IQUB: variants seen among roughly 807,000 people sequenced by gnomAD.
IQUB encodes IQ motif and ubiquitin-like domain-containing protein.
A neutral mutation model predicts 86.4 loss-of-function variants in IQUB; 86 were observed. The ratio of observed to expected loss-of-function variants is 1.00; its 90% CI spans 0.84 to 1.19. IQUB has a LOEUF of 1.19. Ranked by LOEUF, IQUB falls within the 50% of genes most tolerant of loss-of-function variation. The pLI is 0.00. For synonymous variants in IQUB, 289 were observed against 304.5 expected, an observed-to-expected ratio of 0.95 and a Z score of 0.53; for missense variants, 946 against 916.9, an observed-to-expected ratio of 1.03 and a Z score of -0.41.
chr7:123,522,132 C>T (rs1021778545), intron 1 of IQUB, among the ~76,000 whole-genome samples: 2 of 152,002 alleles, frequency 1.3e-5, no homozygotes, highest in African/African-American at 2.4e-5. Flanking sequence ...CTGTTTGCAC[C>T]GAGAAACTGC....
chr7:123,457,309 G>A, intron 12 of IQUB, 72 bp downstream of exon 12: 1 of 1,555,444 alleles, frequency 6.4e-7, no homozygotes, highest in Non-Finnish European at 8.7e-7. Context: ...GAATATATTA[G>A]AAGGCAGTCC....
intron 7 of IQUB, among the ~76,000 whole-genome samples, chr7:123,484,802 C>T (rs1006416721): frequency 6.6e-5 from 10 of 151,984 alleles, no homozygotes; most frequent in East Asian, 1.9e-4. Flanking sequence ...ACCAAGCTGA[C>T]GAGAAATGAA....
intron 12 of IQUB, among the ~76,000 whole-genome samples, chr7:123,453,739 T>A (rs971566776): frequency 6.6e-6 from 1 of 152,132 alleles, no homozygotes; most frequent in African/African-American, 2.4e-5. Flanking sequence ...TAAACCCACA[T>A]TTGATTAAAT....
intron 8 of IQUB, among the ~76,000 whole-genome samples, chr7:123,471,252 T>G (rs938259410): frequency 6.6e-6 from 1 of 152,220 alleles, no homozygotes; most frequent in Non-Finnish European, 1.5e-5. Context: ...TAAAATATTT[T>G]ATCATTCAAT....
At chr7:123,530,092 G>A (rs1289319058) in intron 1 of IQUB, among the ~76,000 whole-genome samples, 3 of 151,936 alleles carry the variant, frequency 2.0e-5, no homozygotes, top group Non-Finnish European at 2.9e-5. Context: ...GCCTGCAATC[G>A]CAGCTATTGG....
chr7:123,455,597 T>A (rs1176785600), intron 12 of IQUB, among the ~76,000 whole-genome samples: 1 of 152,150 alleles, frequency 6.6e-6, no homozygotes, highest in Non-Finnish European at 1.5e-5. Context: ...TACCATTATC[T>A]CTTTTTTATA....
chr7:123,531,008 G>C (rs1797515638), intron 1 of IQUB, among the ~76,000 whole-genome samples: 2 of 152,096 alleles, frequency 1.3e-5, no homozygotes, highest in South Asian at 4.1e-4. Flanking sequence ...CTCTGAGGTA[G>C]ATCTTCTTGT....
chr7:123,526,560 C>A (rs1326284258), intron 1 of IQUB, among the ~76,000 whole-genome samples: 1 of 151,522 alleles, frequency 6.6e-6, no homozygotes, highest in African/African-American at 2.4e-5. Flanking sequence ...GGTAGATCTT[C>A]CTCCATCCTT....
intron 1 of IQUB, among the ~76,000 whole-genome samples, chr7:123,512,584 T>G (rs530273234): frequency 9.2e-5 from 14 of 152,318 alleles, no homozygotes; most frequent in Admixed American, 7.2e-4. Context: ...CATTTCTTAT[T>G]TCTTCCTTAT....
intron 12 of IQUB, among the ~76,000 whole-genome samples, chr7:123,455,987 A>G (rs901401977): frequency 2.0e-5 from 3 of 152,122 alleles, no homozygotes; most frequent in African/African-American, 7.2e-5. Context: ...GAAAGCAAAT[A>G]TCTCTGAACA....
intron 11 of IQUB, chr7:123,458,178 T>C (rs573019881): frequency 2.6e-5 from 4 of 152,102 alleles, no homozygotes; most frequent in African/African-American, 9.6e-5. Flanking sequence ...AGAGGGGTAA[T>C]GAAATAGCTG....
In IQUB at chr7:123,486,095, T is replaced by C. The variant is rs563168507; in HGVS notation, c.1235-6125A>G. On this transcript the variant is annotated intron_variant, in intron 7 of 12. Transcript: ENST00000324698. ...GTATAAGGAGTCCATCTCCTGGACA[T>C]GATTGTGTAGGTGAAGAAACCACGA... Among the ~76,000 whole-genome samples the C allele has an allele frequency of 1.6e-3, 240 of 152,266 alleles. 11 individuals are homozygous for C. In the South Asian group the frequency reaches 0.045, roughly 28 times the overall value.
At chr7:123,470,973 G>A (rs962142289) in intron 8 of IQUB, among the ~76,000 whole-genome samples, 3 of 151,868 alleles carry the variant, frequency 2.0e-5, no homozygotes, top group African/African-American at 4.8e-5. Context: ...GAACTGCAAA[G>A]CTACCTCTTA....
Position 123,452,912 on chromosome 7 carries a change from G to A in IQUB, c.2207C>T (p.Ser736Leu), listed in dbSNP as rs530695569. 47 of 1,611,146 alleles carry A rather than the reference G, an allele frequency of 2.9e-5. No individual in the cohort carries two copies. In the African/African-American group the frequency reaches 5.3e-4, roughly 18 times the overall value. Reference sequence around the variant, plus strand: ...TTTGTGTTTGATCTTGTGAATAAATGAGCGTTCATATCCCTGCAAAGAAAA... The same window carrying A: ...TTTGTGTTTGATCTTGTGAATAAATAAGCGTTCATATCCCTGCAAAGAAAA... The part of the protein sequence containing the change: ...LTSIEEGYER[S>L]FIHKIKHKHI... The change falls in exon 13 of 13, where the codon TCA becomes TTA. Residue 736 changes from serine (S) to leucine (L), a missense_variant. Coordinates refer to ENST00000324698, the MANE Select transcript of IQUB (RefSeq NM_178827.5).
chr7:123,503,326 A>C lies in IQUB; in HGVS notation c.570T>G (p.His190Gln). ...GTACAATTTCCTGTGGCTTAACTCC[A>C]TGTTGTACTAGAGTCTCATTATTTT... ...ILKNNETLVQ[H>Q]GVKPQEIVQV... Residue 190 changes from histidine to glutamine, a missense_variant, in exon 4 of 13, where the codon CAT becomes CAG. Transcript: ENST00000324698. The C allele has an allele frequency of 6.3e-7, 1 of 1,584,342 alleles. No individual in the cohort carries two copies. The highest frequency in any genetic ancestry group is 1.8e-5 in the Admixed American group (1 of 56,010).
At chr7:123,516,329 C>T (rs764676547) in intron 1 of IQUB, among the ~76,000 whole-genome samples, 16 of 152,114 alleles carry the variant, frequency 1.1e-4, no homozygotes, top group Non-Finnish European at 1.9e-4. Flanking sequence ...GTCATAAAGT[C>T]ATACACACAC....
chr7:123,477,219 T>C (rs1296138967), intron 8 of IQUB, among the ~76,000 whole-genome samples: 1 of 152,134 alleles, frequency 6.6e-6, no homozygotes, highest in Non-Finnish European at 1.5e-5. Flanking sequence ...CAAAACAGCA[T>C]GGTACTGGTA....
At chr7:123,463,861 G>C (rs968391675) in intron 10 of IQUB, among the ~76,000 whole-genome samples, 12 of 151,698 alleles carry the variant, frequency 7.9e-5, no homozygotes, top group African/African-American at 2.9e-4. Flanking sequence ...AACTGAATAA[G>C]TCTACAGAGA....
intron 3 of IQUB, among the ~76,000 whole-genome samples, chr7:123,508,961 T>C (rs982015442): frequency 3.9e-5 from 6 of 152,224 alleles, no homozygotes; most frequent in Admixed American, 1.3e-4. Context: ...AATATGGTCA[T>C]AATCATTATT....
Sources: allele counts gnomAD v4.1 joint callset (sites outside exome capture counted in the v4.1 genomes callset), GRCh38; gene constraint gnomAD v4.1.1; transcripts MANE v1.5; gene names NCBI Gene and HGNC (gene_info 2026-07-23, HGNC 2026-07-21).